The following APH1A variants were observed in gnomAD, a reference collection of about 807,000 sequenced individuals.
The protein encoded by APH1A is aph-1A gamma-secretase subunit.
APH1A carries 16 observed loss-of-function variants against 30.3 expected under a neutral mutation model. The ratio of observed to expected loss-of-function variants is 0.53; its 90% confidence interval spans 0.36 to 0.80. The LOEUF (loss-of-function observed/expected upper bound fraction) is 0.80. Ranked by LOEUF, APH1A falls within the 30% of genes least tolerant of loss-of-function variation. APH1A has a pLI of 0.01. For synonymous variants in APH1A, 144 were observed against 140.1 expected, an observed-to-expected ratio of 1.03 and a Z score of -0.20; for missense variants, 245 against 337.8, an observed-to-expected ratio of 0.73 and a Z score of 2.15.
intron 5 of APH1A, 170 bp downstream of exon 5, chr1:150,266,905 C>G: frequency 8.5e-7 from 1 of 1,179,876 alleles, no homozygotes; most frequent in South Asian, 1.6e-5. Context: ...AACCTCCTCC[C>G]CAGAGCAGGT....
intron 6 of APH1A, 68 bp from the exon 7 acceptor site, chr1:150,266,262 G>A: frequency 6.5e-7 from 1 of 1,549,022 alleles, no homozygotes. Flanking sequence ...GGGGAGTCCT[G>A]GACACAACAA....
In APH1A at chr1:150,266,572, C is replaced by T; in HGVS notation, c.694G>A (p.Ala232Thr). 3.7e-6 allele frequency: 6 copies of T among 1,614,138 alleles called. No homozygotes were observed. Among genetic ancestry groups the T allele is most frequent in the Non-Finnish European group, 5.1e-6 (6 of 1,180,024 alleles). ...VSMGLWAFIT[A>T]GGSLRSIQRS... The stretch of plus-strand genomic sequence containing the variant: ...TGAATACTTCGGAGGGACCCTCCAG[C>T]TGTGATGAAGGCCCAGAGCCCCATG... Residue 232 changes from alanine (A) to threonine (T), a missense_variant, in exon 6 of 7, where the codon GCT becomes ACT. By Grantham distance (58) the Ala-to-Thr change is moderately conservative. Transcript: ENST00000369109.
At chr1:150,268,630 A>G in intron 1 of APH1A, 68 bp downstream of exon 1, 1 of 1,477,514 alleles carries the variant, frequency 6.8e-7, no homozygotes, top group Non-Finnish European at 9.2e-7. Flanking sequence ...GGCTTGCCCC[A>G]GTTCCTCCAG....
Position 150,268,834 on chromosome 1 carries a change from T to A in APH1A, c.-24A>T, listed in dbSNP as rs781967022. 2 of 1,586,918 alleles carry A rather than the reference T, an allele frequency of 1.3e-6. No individual in the cohort carries two copies. The highest frequency in any genetic ancestry group is 2.3e-5 in the East Asian group (1 of 43,974). On this transcript the variant is annotated 5_prime_UTR_variant, in exon 1 of 7. Transcript: ENST00000369109. ...ATGGCTGGTCAGGTGGGAAGGGGGG[T>A]GGGGGCCTGACCAGGACAGGCAAAT...
intron 5 of APH1A, 70 bp downstream of exon 5, chr1:150,267,004 AC>A: frequency 1.3e-6 from 2 of 1,593,564 alleles, no homozygotes; most frequent in Non-Finnish European, 1.7e-6. Context: ...AAGTGAGGAT[AC>A]CCTTTCCCCC....
rs782319679 is a variant in APH1A at position 150,268,045 on chromosome 1, G to A, written c.196C>T (p.Arg66Trp). The change falls in exon 2 of 7, where the codon CGG (arginine) becomes TGG (tryptophan). Residue 66 changes from arginine to tryptophan, a missense_variant. Transcript: ENST00000369109. ...AAAATCAGGAGGCCGTACTGGAGCC[G>A]GGCATCTGACCGGTCGGTCACATGG... ...LVHVTDRSDA[R>W]LQYGLLIFGA... 2.0e-5 allele frequency: 32 copies of A among 1,614,022 alleles called. No homozygotes were observed. The highest frequency in any genetic ancestry group is 2.0e-5 in the Non-Finnish European group (24 of 1,180,044).
chr1:150,266,981 T>C (rs1651778944), intron 5 of APH1A, 94 bp downstream of exon 5: 2 of 1,555,322 alleles, frequency 1.3e-6, no homozygotes, highest in Non-Finnish European at 1.7e-6. Context: ...CCAGGTAAGT[T>C]AAAAATGTTA....
chr1:150,266,693 T>A, intron 5 of APH1A, 37 bp from the exon 6 acceptor site: 2 of 1,607,626 alleles, frequency 1.2e-6, no homozygotes, highest in African/African-American at 1.3e-5. Context: ...GAGATTAGAT[T>A]CTCCCTCGAC....
rs1205966190 is a variant in APH1A, at chr1:150,265,710, CA to C, written c.*419del. ...AGTTCCAGTAATGCCAGTTCCCAAA[CA>C]TGCACTTCCTTCCTTTCCCCCAAGG... On this transcript the variant is annotated 3_prime_UTR_variant, in exon 7 of 7. Coordinates refer to ENST00000369109, the MANE Select transcript of APH1A (RefSeq NM_001077628.3). 6.1e-6 allele frequency: 1 copy of C among 164,778 alleles called. No individual in the cohort carries two copies. Among genetic ancestry groups the C allele is most frequent in the African/African-American group, 2.4e-5 (1 of 41,742 alleles). 10.2% of individuals were successfully genotyped at this position (164,778 alleles called of 1,614,324 possible). A position where few individuals can be genotyped will look rare whatever the true frequency, so the allele number is the denominator to read the frequency against.
At chr1:150,267,670 A>T (rs1651847752) in intron 3 of APH1A, 46 bp downstream of exon 3, 1 of 1,591,778 alleles carries the variant, frequency 6.3e-7, no homozygotes, top group Non-Finnish European at 8.6e-7. Context: ...TCCCTAGAGG[A>T]GGGGGCTGTC....
In APH1A at chr1:150,265,644, G is replaced by A. The variant is rs1454523875; in HGVS notation, c.*486C>T. ...CACAGCACCCTCCACTTCACCTTGG[G>A]GAGAGGAGGGATGCTGGTGGTTAAG... On this transcript the variant is annotated 3_prime_UTR_variant, in exon 7 of 7. Coordinates refer to ENST00000369109, the MANE Select transcript of APH1A (RefSeq NM_001077628.3). 6.5e-6 allele frequency: 1 copy of A among 154,790 alleles called. No homozygotes were observed. The highest frequency in any genetic ancestry group is 1.4e-5 in the Non-Finnish European group (1 of 69,462). 9.6% of individuals were successfully genotyped at this position (154,790 alleles called of 1,614,324 possible).
rs1553850152 is a variant in APH1A at position 150,267,399 on chromosome 1, C to A, written c.438G>T (p.Val146=). The change falls in exon 4 of 7, where the codon GTG becomes GTT. Residue 146 remains valine (V), a synonymous_variant. Coordinates refer to ENST00000369109, the MANE Select transcript of APH1A (RefSeq NM_001077628.3). ...AGGGTGAGTCTCCATGGATCCCAAC[C>A]ACACCTGGCCCAAGTGCATCAGCCA... ...NILADALGPG[V]VGIHGDSPYY... is the part of the protein sequence containing the mutation. 6.2e-7 allele frequency: 1 copy of A among 1,614,020 alleles called. No individual in the cohort carries two copies. The highest frequency in any genetic ancestry group is 8.5e-7 in the Non-Finnish European group (1 of 1,180,032).
rs782390773 is a variant in APH1A at position 150,268,724 on chromosome 1, C to T, written c.87G>A (p.Pro29=). ...CTGCGACCAGGATGATAACGCGAAG[C>T]GGGTCCCCAGCCACAGTGATCAAGA... The part of the protein sequence containing the change: ...ALFLITVAGD[P]LRVIILVAGA... The change falls in exon 1 of 7, where the codon CCG becomes CCA. Residue 29 remains proline, a synonymous_variant. Transcript: ENST00000369109. 1.2e-6 allele frequency: 2 copies of T among 1,613,106 alleles called. No homozygotes were observed. Among genetic ancestry groups the T allele is most frequent in the Middle Eastern group, 1.7e-4 (1 of 6,056 alleles).
Position 150,267,986 on chromosome 1 carries a change from C to T in APH1A, c.255G>A (p.Val85=), listed in dbSNP as rs1553850303. The change falls in exon 2 of 7, where the codon GTG becomes GTA. Residue 85 remains valine (V), a synonymous_variant. Transcript: ENST00000369109. ...GAAVSVLLQE[V]FRFAYYKLLK... ...GCAGCTTGTAGTAGGCAAAGCGGAA[C>T]ACCTCCTGTAGAAGGACAGAGACAG... The T allele has an allele frequency of 6.2e-7, 1 of 1,614,166 alleles. No individual in the cohort carries two copies. Among genetic ancestry groups the T allele is most frequent in the Admixed American group, 1.7e-5 (1 of 60,010 alleles).
rs1415633845 is a variant in APH1A, at chr1:150,268,861, G to C, written c.-51C>G. ...GGGGCCTGACCAGGACAGGCAAATGGGAGGGGCGCGCCAGCTGGGGAGTCC... is the reference window on the plus strand; with the variant it reads ...GGGGCCTGACCAGGACAGGCAAATGCGAGGGGCGCGCCAGCTGGGGAGTCC... On this transcript the variant is annotated 5_prime_UTR_variant, in exon 1 of 7. Coordinates refer to ENST00000369109, the MANE Select transcript of APH1A (RefSeq NM_001077628.3). The C allele has an allele frequency of 2.0e-6, 3 of 1,523,818 alleles. No homozygotes were observed. The highest frequency in any genetic ancestry group is 2.7e-6 in the Non-Finnish European group (3 of 1,116,590). The allele number at this position is 1,523,818 out of a possible 1,614,324, so 94.4% of individuals were successfully genotyped here. A position where few individuals can be genotyped will look rare whatever the true frequency, so the allele number is the denominator to read the frequency against.
chr1:150,268,335 G>A (rs782009159), intron 1 of APH1A: 10 of 648,324 alleles, frequency 1.5e-5, no homozygotes, highest in Non-Finnish European at 2.6e-5. Flanking sequence ...TAATTAAAGA[G>A]TCTTCAGAGC....
chr1:150,269,016 G>A lies in APH1A; in HGVS notation c.-206C>T, dbSNP rs1036707353. The A allele has an allele frequency of 9.5e-6, 5 of 526,678 alleles. No homozygotes were observed. The highest frequency in any genetic ancestry group is 5.8e-5 in the African/African-American group (3 of 52,046). The allele number at this position is 526,678 out of a possible 1,614,324, so 32.6% of individuals were successfully genotyped here. On this transcript the variant is annotated 5_prime_UTR_variant, in exon 1 of 7. Transcript: ENST00000369109. ...CCACTTCCTCTACGGAAGCCGAAGA[G>A]GGGACAAATCCCGGCCGCAGCCCCA...
At chr1:150,266,808 T>C in intron 5 of APH1A, 152 bp from the exon 6 acceptor site, 6 of 1,118,320 alleles carry the variant, frequency 5.4e-6, no homozygotes, top group Non-Finnish European at 7.5e-6. Flanking sequence ...AAGGGGACTT[T>C]TGATTTTCAG....
At position 150,266,220 on chromosome 1, in the gene APH1A, T is replaced by C. The variant is rs1361720390; in HGVS notation, c.734-26A>G. 22 of 1,583,176 alleles carry C rather than the reference T, an allele frequency of 1.4e-5. No homozygotes were observed. In the Admixed American group the frequency reaches 3.8e-4, roughly 27 times the overall value. ...CTGCAGAGGGGAAGGGAGGTGAGTC[T>C]TGGGCAGGGTGAGAGCAGAGCACTG... is the stretch of plus-strand genomic sequence containing the variant. On this transcript the variant is annotated intron_variant, in intron 6 of 6. Coordinates refer to ENST00000369109, the MANE Select transcript of APH1A (RefSeq NM_001077628.3).
Sources: gnomAD v4.1 joint callset for allele counts on GRCh38, gnomAD v4.1.1 for gene constraint, MANE v1.5 for transcripts, NCBI Gene and HGNC (gene_info 2026-07-23, HGNC 2026-07-21) for gene names.